Variants in PIGL observed in about 807,000 individuals in gnomAD.
PIGL encodes the protein N-acetylglucosaminyl-phosphatidylinositol de-N-acetylase.
A neutral mutation model predicts 31.1 loss-of-function variants in PIGL; 22 were observed. The observed-to-expected ratio is 0.71, with a 90% confidence interval of 0.51 to 1.01. The LOEUF (loss-of-function observed/expected upper bound fraction) is 1.01, where lower values mean the gene tolerates loss of function less well. PIGL is among the 50% of genes least tolerant of loss of function. PIGL has a pLI of 0.00. For synonymous variants in PIGL, 131 were observed against 117.4 expected (o/e 1.12, Z -0.75); for missense variants, 302 against 315.9 (o/e 0.96, Z 0.33).
chr17:16,279,634 C>G (rs2092908801), intron 2 of PIGL: 1 of 152,114 alleles, frequency 6.6e-6, no homozygotes, highest in Non-Finnish European at 1.5e-5. Context: ...AACTCTGTCC[C>G]CATTGTCCTT....
chr17:16,315,896 C>G lies in PIGL; in HGVS notation c.495-785C>G, dbSNP rs560542466. On this transcript the variant is annotated intron_variant, in intron 4 of 6. Coordinates refer to ENST00000225609, the MANE Select transcript of PIGL (RefSeq NM_004278.4). Reference sequence around the variant, plus strand: ...TATTTTTATTAGAGACGGAGTTTCACCATATTGGCCAGGCTGGTGCCGAAC... The same window carrying G: ...TATTTTTATTAGAGACGGAGTTTCAGCATATTGGCCAGGCTGGTGCCGAAC... 2.6e-5 allele frequency among the ~76,000 whole-genome samples: 4 copies of G among 151,818 alleles called. No homozygotes were observed. The East Asian group carries it at 7.7e-4, about 29-fold the overall frequency.
intron 2 of PIGL, among the ~76,000 whole-genome samples, chr17:16,292,032 C>CTTTT (rs35568368): frequency 2.5e-5 from 3 of 122,248 alleles, no homozygotes; most frequent in Non-Finnish European, 3.5e-5. Flanking sequence ...TAATGGAGCT[C>CTTTT]TTTTTTTTTT....
At chr17:16,268,041 G>A (rs1001495229) in intron 2 of PIGL, among the ~76,000 whole-genome samples, 1 of 152,156 alleles carries the variant, frequency 6.6e-6, no homozygotes, top group Non-Finnish European at 1.5e-5. Flanking sequence ...TATTCACCAT[G>A]CCGTGGTAAC....
intron 2 of PIGL, among the ~76,000 whole-genome samples, chr17:16,279,314 A>G (rs2142788273): frequency 1.3e-5 from 2 of 152,382 alleles, no homozygotes; most frequent in South Asian, 4.1e-4. Context: ...GCAGCCGGTC[A>G]CTTTAAATTC....
intron 6 of PIGL, among the ~76,000 whole-genome samples, chr17:16,320,900 G>C (rs1275493417): frequency 2.0e-5 from 3 of 148,128 alleles, no homozygotes; most frequent in Non-Finnish European, 4.4e-5. Flanking sequence ...CTCCCAAAGT[G>C]CTGGGATTAC....
At position 16,276,557 on chromosome 17, in the gene PIGL, ACT is replaced by A. The variant is rs199677560; in HGVS notation, c.336-23328_336-23327del. On this transcript the variant is annotated intron_variant, in intron 2 of 6. Transcript: ENST00000225609. Reference sequence around the variant, plus strand: ...AGACCAGCCTAGCCAACATGGCGAAACTCTGTCTCTATGAAAAGTACAAAAAT... The same window carrying A: ...AGACCAGCCTAGCCAACATGGCGAAACTGTCTCTATGAAAAGTACAAAAAT... Among the ~76,000 whole-genome samples, 854 of 152,272 alleles carry A rather than the reference ACT, an allele frequency of 5.6e-3. 13 individuals carry two copies. The highest frequency in any genetic ancestry group is 0.019 in the African/African-American group (788 of 41,554).
intron 3 of PIGL, among the ~76,000 whole-genome samples, chr17:16,301,717 G>A (rs997713206): frequency 1.3e-5 from 2 of 151,420 alleles, no homozygotes; most frequent in Non-Finnish European, 2.9e-5. Flanking sequence ...GACTACAGGC[G>A]CCCACCACCA....
chr17:16,233,864 G>A (rs2092688734), intron 1 of PIGL, 107 bp from the exon 2 acceptor site: 2 of 608,158 alleles, frequency 3.3e-6, no homozygotes, highest in Non-Finnish European at 5.9e-6. Flanking sequence ...CACATTTTCA[G>A]GCAGCTTAAA....
At chr17:16,317,032 G>C in intron 5 of PIGL, 1 of 1,129,644 alleles carries the variant, frequency 8.9e-7, no homozygotes, top group South Asian at 2.7e-5. Flanking sequence ...CAACCAATTA[G>C]GCAGGTTGTA....
At chr17:16,306,017 C>T (rs1366378476) in intron 3 of PIGL, among the ~76,000 whole-genome samples, 2 of 152,226 alleles carry the variant, frequency 1.3e-5, no homozygotes, top group Admixed American at 6.5e-5. Flanking sequence ...GGCACGATCT[C>T]GGCTGACTTC....
chr17:16,320,515 GAGAA>G (rs1419736629), intron 6 of PIGL, among the ~76,000 whole-genome samples: 15 of 140,240 alleles, frequency 1.1e-4, no homozygotes, highest in South Asian at 9.6e-4. Flanking sequence ...GAGAGAGAGA[GAGAA>G]AGAAAAGAAA....
intron 4 of PIGL, 103 bp downstream of exon 4, chr17:16,313,717 G>A: frequency 2.2e-6 from 2 of 909,042 alleles, no homozygotes; most frequent in Admixed American, 1.8e-5. Context: ...CTGAGCCCAT[G>A]AAACTCACTG....
At chr17:16,316,471 C>G (rs1200032447) in intron 4 of PIGL, among the ~76,000 whole-genome samples, 2 of 152,160 alleles carry the variant, frequency 1.3e-5, no homozygotes, top group Non-Finnish European at 2.9e-5. Context: ...ATTGGCTGTC[C>G]CTAGCTCAGG....
chr17:16,232,442 G>T (rs1177809642), intron 1 of PIGL, among the ~76,000 whole-genome samples: 3 of 152,160 alleles, frequency 2.0e-5, no homozygotes, highest in African/African-American at 7.2e-5. Context: ...CATGTGTTCT[G>T]TTAAGTGCCT....
chr17:16,241,169 T>C (rs888477701), intron 2 of PIGL, among the ~76,000 whole-genome samples: 2 of 146,220 alleles, frequency 1.4e-5, no homozygotes, highest in Admixed American at 1.4e-4. Context: ...CAAAAGAAAT[T>C]TGGGATAATG....
At chr17:16,257,878 A>G (rs1411474987) in intron 2 of PIGL, among the ~76,000 whole-genome samples, 1 of 152,006 alleles carries the variant, frequency 6.6e-6, no homozygotes, top group African/African-American at 2.4e-5. Context: ...CAGCCTGGCC[A>G]ACATGGTGAA....
At chr17:16,295,067 G>A (rs940699337) in intron 2 of PIGL, among the ~76,000 whole-genome samples, 2 of 152,168 alleles carry the variant, frequency 1.3e-5, no homozygotes, top group African/African-American at 2.4e-5. Context: ...GACCTTGACT[G>A]ATTAATGGCT....
intron 2 of PIGL, among the ~76,000 whole-genome samples, chr17:16,277,292 T>C (rs1050343934): frequency 6.6e-6 from 1 of 152,256 alleles, no homozygotes; most frequent in Non-Finnish European, 1.5e-5. Context: ...AAAGAAAACA[T>C]TCTTATTGCA....
intron 2 of PIGL, among the ~76,000 whole-genome samples, chr17:16,237,409 A>G (rs1271749687): frequency 6.9e-6 from 1 of 144,584 alleles, no homozygotes; most frequent in African/African-American, 2.5e-5. Flanking sequence ...CGCCTGGCCT[A>G]TTTTTTTTTT....
Sources: allele counts gnomAD v4.1 joint callset (sites outside exome capture counted in the v4.1 genomes callset), GRCh38; gene constraint gnomAD v4.1.1; transcripts MANE v1.5; gene names NCBI Gene and HGNC (gene_info 2026-07-23, HGNC 2026-07-21).